SINHCAF: variants seen among roughly 807,000 people sequenced by gnomAD.
The protein encoded by SINHCAF is SIN3-HDAC complex-associated factor.
SINHCAF carries 3 observed loss-of-function variants against 25.8 expected under a neutral mutation model. That is an observed-to-expected ratio of 0.12 (90% CI 0.05 to 0.30). The LOEUF is 0.30. SINHCAF is among the 10% of genes least tolerant of loss of function. The pLI, the probability that SINHCAF is intolerant of heterozygous loss-of-function variation, is 1.00. For synonymous variants in SINHCAF, 70 were observed against 85.5 expected, an observed-to-expected ratio of 0.82 and a Z score of 1.00; for missense variants, 121 against 262.3, an observed-to-expected ratio of 0.46 and a Z score of 3.72.
At chr12:31,322,571 G>A (rs1844986) in intron 1 of SINHCAF, among the ~76,000 whole-genome samples, 22,393 of 151,412 alleles carry the variant, frequency 0.15, 2,216 homozygotes, top group Non-Finnish European at 0.22. Flanking sequence ...TCATTTTCCT[G>A]ACATGCTCTT....
chr12:31,285,271 C>T (rs1264683124), intron 5 of SINHCAF, among the ~76,000 whole-genome samples: 2 of 151,784 alleles, frequency 1.3e-5, no homozygotes, highest in South Asian at 2.1e-4. Flanking sequence ...GCCTGTAATC[C>T]CAGCTACTCC....
chr12:31,285,196 T>A (rs996700750), intron 5 of SINHCAF, among the ~76,000 whole-genome samples: 1 of 152,116 alleles, frequency 6.6e-6, no homozygotes, highest in East Asian at 1.9e-4. Flanking sequence ...ACTATCAGCC[T>A]GGCCAGCATG....
intron 4 of SINHCAF, among the ~76,000 whole-genome samples, chr12:31,291,325 T>C (rs954948605): frequency 6.6e-6 from 1 of 152,244 alleles, no homozygotes; most frequent in Non-Finnish European, 1.5e-5. Flanking sequence ...TACTTGATTA[T>C]CCCCAGTTCT....
chr12:31,298,330 G>C, intron 1 of SINHCAF, 106 bp from the exon 2 acceptor site: 1 of 1,312,394 alleles, frequency 7.6e-7, no homozygotes, highest in Non-Finnish European at 1.1e-6. Context: ...GGTGTTATAT[G>C]ACCAAGACAG....
intron 1 of SINHCAF, among the ~76,000 whole-genome samples, chr12:31,322,828 TATG>T: frequency 6.6e-6 from 1 of 152,230 alleles, no homozygotes; most frequent in Non-Finnish European, 1.5e-5. Flanking sequence ...AAGCAACAGA[TATG>T]GTGGTGGGTA....
In SINHCAF at chr12:31,282,495, A is replaced by T. The variant is rs1937843125; in HGVS notation, c.*217T>A. ...AAATTAGCCGGGTCTGGTGGCGGGC[A>T]CCTATAAACCCAGCTACTTGGGAGG... On this transcript the variant is annotated 3_prime_UTR_variant, in exon 6 of 6. Transcript: ENST00000337682. 1 of 376,908 alleles carries T rather than the reference A, an allele frequency of 2.7e-6. No homozygotes were observed. Among genetic ancestry groups the T allele is most frequent in the South Asian group, 8.3e-5 (1 of 12,046 alleles). The allele number at this position is 376,908 out of a possible 1,614,324, so 23.3% of individuals were successfully genotyped here. A position where few individuals can be genotyped will look rare whatever the true frequency, so the allele number is the denominator to read the frequency against.
intron 2 of SINHCAF, 50 bp downstream of exon 2, chr12:31,298,027 C>T (rs754623481): frequency 1.3e-6 from 2 of 1,541,020 alleles, no homozygotes; most frequent in East Asian, 2.3e-5. Flanking sequence ...TTTCTGTATG[C>T]TGTGGTATTT....
intron 1 of SINHCAF, among the ~76,000 whole-genome samples, chr12:31,311,245 T>C (rs961487201): frequency 5.3e-5 from 8 of 152,198 alleles, no homozygotes; most frequent in Non-Finnish European, 8.8e-5. Context: ...GAGTTGGCTG[T>C]GGCAGAGGTC....
intron 1 of SINHCAF, among the ~76,000 whole-genome samples, chr12:31,323,554 G>C (rs1469891278): frequency 6.6e-6 from 1 of 152,152 alleles, no homozygotes; most frequent in African/African-American, 2.4e-5. Context: ...CCGAGTGCCT[G>C]AAGTAATGGA....
chr12:31,315,518 C>T (rs555359848), intron 1 of SINHCAF, among the ~76,000 whole-genome samples: 1 of 152,336 alleles, frequency 6.6e-6, no homozygotes, highest in East Asian at 1.9e-4. Flanking sequence ...TATCTGTCTA[C>T]AGTATGCTGT....
chr12:31,326,080 C>A lies in SINHCAF; in HGVS notation c.-77G>T, dbSNP rs550285183. Reference sequence around the variant, plus strand: ...TGTCCCCGAGGTGCGGAGTGCACGCCAGGCCAGTCCCCCTCAAGCGCTCCC... The same window carrying A: ...TGTCCCCGAGGTGCGGAGTGCACGCAAGGCCAGTCCCCCTCAAGCGCTCCC... On this transcript the variant is annotated 5_prime_UTR_variant, in exon 1 of 6. Transcript: ENST00000337682. 1 of 152,474 alleles carries A rather than the reference C, an allele frequency of 6.6e-6. No individual in the cohort carries two copies. Among genetic ancestry groups the A allele is most frequent in the South Asian group, 2.1e-4 (1 of 4,832 alleles). The allele number at this position is 152,474 out of a possible 1,614,324, so 9.4% of individuals were successfully genotyped here.
intron 2 of SINHCAF, among the ~76,000 whole-genome samples, chr12:31,296,644 G>A (rs143962023): frequency 1.5e-3 from 226 of 151,782 alleles, no homozygotes; most frequent in African/African-American, 5.2e-3. Flanking sequence ...TGAGGCAGCC[G>A]GGAGTTCGAG....
Position 31,295,295 on chromosome 12 carries a change from C to T in SINHCAF, c.167G>A (p.Cys56Tyr). 1 of 1,609,988 alleles carries T rather than the reference C, an allele frequency of 6.2e-7. No individual in the cohort carries two copies. The highest frequency in any genetic ancestry group is 8.5e-7 in the Non-Finnish European group (1 of 1,178,844). Residue 56 changes from cysteine (C) to tyrosine (Y), a missense_variant, in exon 3 of 6, where the codon TGT becomes TAT. Physicochemically the swap from Cys to Tyr is radical, Grantham distance 194. Coordinates refer to ENST00000337682, the MANE Select transcript of SINHCAF (RefSeq NM_001135812.2). ...CTTCCATCTTTTCACAAGCAGGACA[C>T]AGGCATTGCAGATGTCTCCTGAACG... Reference protein sequence around the residue: ...ETRSGDICNACVLLVKRWKKL... With the variant: ...ETRSGDICNAYVLLVKRWKKL...
intron 2 of SINHCAF, among the ~76,000 whole-genome samples, chr12:31,296,221 A>G (rs1938543734): frequency 6.6e-6 from 1 of 152,082 alleles, no homozygotes; most frequent in Non-Finnish European, 1.5e-5. Context: ...GCTGGAGTAC[A>G]GTGGTGGGAT....
chr12:31,283,101 C>T (rs952181682), intron 5 of SINHCAF, among the ~76,000 whole-genome samples: 4 of 151,968 alleles, frequency 2.6e-5, no homozygotes, highest in Non-Finnish European at 2.9e-5. Flanking sequence ...TTGAGGAAGA[C>T]GGCATTTTGA....
rs935003320 is a variant in SINHCAF at position 31,287,676 on chromosome 12, C to G, written c.464G>C (p.Arg155Thr). The G allele has an allele frequency of 3.1e-6, 5 of 1,603,634 alleles. No individual in the cohort carries two copies. Among genetic ancestry groups the G allele is most frequent in the Non-Finnish European group, 4.3e-6 (5 of 1,174,564 alleles). The stretch of plus-strand genomic sequence containing the variant: ...ATCTAAAAAGGAAAAAACTGGTGTT[C>G]TGTTAGAACCAGAAGCCATCTCTGT... ...SDTEMASGSN[R>T]TPVFSFLDLT... is the part of the protein sequence containing the mutation. Residue 155 changes from arginine to threonine, a missense_variant, in exon 5 of 6, where the codon AGA becomes ACA. Physicochemically the swap from Arg to Thr is moderately conservative, Grantham distance 71. Transcript: ENST00000337682.
chr12:31,287,518 T>C, intron 5 of SINHCAF, 116 bp downstream of exon 5: 1 of 663,810 alleles, frequency 1.5e-6, no homozygotes, highest in Non-Finnish European at 2.4e-6. Flanking sequence ...CTTAATCCAC[T>C]GCAATCGTGT....
At chr12:31,288,085 C>T (rs1938151133) in intron 4 of SINHCAF, among the ~76,000 whole-genome samples, 1 of 151,938 alleles carries the variant, frequency 6.6e-6, no homozygotes, top group Admixed American at 6.6e-5. Flanking sequence ...AGCTCAAGAC[C>T]CAAGGCAAGC....
intron 2 of SINHCAF, among the ~76,000 whole-genome samples, chr12:31,296,493 T>C (rs1015940031): frequency 2.0e-5 from 3 of 151,654 alleles, no homozygotes; most frequent in Non-Finnish European, 4.4e-5. Context: ...AGTATCAAAA[T>C]GCTAACCTTT....
Sources: gnomAD v4.1 joint callset for allele counts (sites outside exome capture counted in the v4.1 genomes callset) on GRCh38, gnomAD v4.1.1 for gene constraint, MANE v1.5 for transcripts, NCBI Gene and HGNC (gene_info 2026-07-23, HGNC 2026-07-21) for gene names.